TPH2: variants seen among roughly 807,000 people sequenced by gnomAD.
TPH2 encodes the protein tryptophan hydroxylase 2, also known as tryptophan 5-hydroxylase 2.
In TPH2, 27 loss-of-function variants were observed where a neutral mutation model predicts 59.1. The observed-to-expected ratio is 0.46, with a 90% CI of 0.34 to 0.63. The LOEUF (loss-of-function observed/expected upper bound fraction) is 0.63. TPH2 is among the 30% of genes least tolerant of loss of function. The pLI is 0.01. For missense variants in TPH2, 523 were observed against 588.3 expected (o/e 0.89, Z 1.15); for synonymous variants, 220 against 210.5 (o/e 1.05, Z -0.39).
At chr12:72,007,746 C>CT (rs529009995) in intron 8 of TPH2, among the ~76,000 whole-genome samples, 1,828 of 146,544 alleles carry the variant, frequency 0.012, 34 homozygotes, top group African/African-American at 0.04. Context: ...CTCACAAAAA[C>CT]TTTTTTTTTT....
chr12:71,972,649 A>T lies in TPH2; in HGVS notation c.739A>T (p.Thr247Ser). The T allele has an allele frequency of 1.2e-6, 2 of 1,614,176 alleles. No individual in the cohort carries two copies. Among genetic ancestry groups the T allele is most frequent in the Non-Finnish European group, 1.7e-6 (2 of 1,180,032 alleles). ...GTATTTGAAAAACTTCCCTCTGCTG[A>T]CTAAATACTGTGGCTACAGAGAGGA... ...REYLKNFPLL[T>S]KYCGYREDNV... The change falls in exon 6 of 11, where the codon ACT becomes TCT. Residue 247 changes from threonine to serine, a missense_variant. Transcript: ENST00000333850.
intron 8 of TPH2, among the ~76,000 whole-genome samples, chr12:72,009,165 A>G (rs1263018193): frequency 6.6e-6 from 1 of 152,150 alleles, no homozygotes; most frequent in African/African-American, 2.4e-5. Context: ...GATGGGGTTC[A>G]TGATCCTCCC....
chr12:71,988,824 C>T (rs1872511104), intron 7 of TPH2, among the ~76,000 whole-genome samples: 1 of 152,118 alleles, frequency 6.6e-6, no homozygotes, highest in Non-Finnish European at 1.5e-5. Flanking sequence ...TTTGTACTTG[C>T]TATTTGATTG....
At chr12:72,017,797 G>A (rs975574273) in intron 8 of TPH2, among the ~76,000 whole-genome samples, 1 of 152,156 alleles carries the variant, frequency 6.6e-6, no homozygotes, top group Non-Finnish European at 1.5e-5. Context: ...GAAGCAATTA[G>A]TTATCCTCAA....
In TPH2 at chr12:72,032,432, T is replaced by G. The variant is rs1873749053; in HGVS notation, c.*737T>G. ...AATTTTATGCTGGAATAAAGTAAAT[T>G]ATCATGTTCAGGTGTTTAAACAATT... is the stretch of plus-strand genomic sequence containing the variant. On this transcript the variant is annotated 3_prime_UTR_variant, in exon 11 of 11. Coordinates refer to ENST00000333850, the MANE Select transcript of TPH2 (RefSeq NM_173353.4). 1 of 152,182 alleles carries G rather than the reference T, an allele frequency of 6.6e-6. No homozygotes were observed. Among genetic ancestry groups the G allele is most frequent in the South Asian group, 2.1e-4 (1 of 4,836 alleles). 9.4% of individuals were successfully genotyped at this position (152,182 alleles called of 1,614,324 possible). A position where few individuals can be genotyped will look rare whatever the true frequency, so the allele number is the denominator to read the frequency against.
chr12:72,019,752 A>G (rs1257773475), intron 8 of TPH2, among the ~76,000 whole-genome samples: 1 of 152,202 alleles, frequency 6.6e-6, no homozygotes, highest in Admixed American at 6.5e-5. Flanking sequence ...TATCCTTAGC[A>G]TCTAGGGCAG....
At chr12:72,014,388 TTTTTTTC>T (rs955797111) in intron 8 of TPH2, among the ~76,000 whole-genome samples, 1 of 102,472 alleles carries the variant, frequency 9.8e-6, no homozygotes, top group African/African-American at 3.7e-5. Context: ...TTTTTTTTTC[TTTTTTTC>T]TTTTTTTTTT....
intron 1 of TPH2, among the ~76,000 whole-genome samples, chr12:71,939,368 T>C (rs553973065): frequency 7.7e-6 from 1 of 130,676 alleles, no homozygotes; most frequent in East Asian, 2.1e-4. Flanking sequence ...TGAGAGATTG[T>C]ATGAATCAAT....
intron 7 of TPH2, among the ~76,000 whole-genome samples, chr12:71,986,941 A>G (rs982162582): frequency 9.9e-5 from 15 of 152,150 alleles, no homozygotes; most frequent in African/African-American, 3.6e-4. Context: ...AGAGGTAATC[A>G]CTGTTCATAC....
chr12:72,026,229 C>T (rs1010305765), intron 9 of TPH2, among the ~76,000 whole-genome samples: 3 of 151,786 alleles, frequency 2.0e-5, no homozygotes, highest in Non-Finnish European at 4.4e-5. Flanking sequence ...GCATCCACCC[C>T]ATAGTAGTTG....
chr12:71,956,141 C>A (rs940412282), intron 5 of TPH2, among the ~76,000 whole-genome samples: 2 of 152,196 alleles, frequency 1.3e-5, no homozygotes, highest in African/African-American at 4.8e-5. Flanking sequence ...TACCAGGCAG[C>A]CTGAATATCT....
chr12:71,972,763 C>T, intron 6 of TPH2, 48 bp downstream of exon 6: 1 of 1,568,090 alleles, frequency 6.4e-7, no homozygotes, highest in Non-Finnish European at 8.7e-7. Flanking sequence ...TCCTCAATTG[C>T]CTTCCAAGGA....
intron 5 of TPH2, among the ~76,000 whole-genome samples, chr12:71,951,593 C>G (rs913265240): frequency 1.3e-5 from 2 of 152,188 alleles, no homozygotes; most frequent in East Asian, 3.8e-4. Flanking sequence ...AGTGATCCTC[C>G]TGCCTTGGCC....
intron 5 of TPH2, among the ~76,000 whole-genome samples, chr12:71,970,650 A>G (rs1176629903): frequency 6.6e-6 from 1 of 152,242 alleles, no homozygotes; most frequent in Non-Finnish European, 1.5e-5. Context: ...CCAGAGGCAG[A>G]CCATTTATAT....
At chr12:71,992,048 C>T (rs1473529252) in intron 7 of TPH2, among the ~76,000 whole-genome samples, 2 of 152,150 alleles carry the variant, frequency 1.3e-5, no homozygotes, top group Middle Eastern at 3.4e-3. Flanking sequence ...CTTAGCCATT[C>T]GGTATTTTTA....
chr12:71,978,181 C>A (rs1409319677), intron 6 of TPH2, among the ~76,000 whole-genome samples: 1 of 150,908 alleles, frequency 6.6e-6, no homozygotes, highest in Non-Finnish European at 1.5e-5. Context: ...AAGCAATGCA[C>A]GACTCTATAC....
chr12:72,010,129 T>A (rs1190821088), intron 8 of TPH2, among the ~76,000 whole-genome samples: 1 of 152,202 alleles, frequency 6.6e-6, no homozygotes, highest in Non-Finnish European at 1.5e-5. Context: ...GTCAAGTAAA[T>A]GGCAGAGCAT....
chr12:71,939,794 T>G (rs1329034767), intron 1 of TPH2, among the ~76,000 whole-genome samples: 1 of 152,198 alleles, frequency 6.6e-6, no homozygotes, highest in Admixed American at 6.5e-5. Flanking sequence ...CAGGTAGTAG[T>G]CATGGGATTT....
intron 5 of TPH2, among the ~76,000 whole-genome samples, chr12:71,952,641 A>C (rs11179005): frequency 0.013 from 1,945 of 152,294 alleles, 20 homozygotes; most frequent in Middle Eastern, 0.027. Context: ...TGCTGAGCCC[A>C]GACTGACCTA....
Sources: allele counts gnomAD v4.1 joint callset (sites outside exome capture counted in the v4.1 genomes callset), GRCh38; gene constraint gnomAD v4.1.1; transcripts MANE v1.5; gene names NCBI Gene and HGNC (gene_info 2026-07-23, HGNC 2026-07-21).